The following KCND3 variants were observed in gnomAD, a reference collection of about 807,000 sequenced individuals.
The protein encoded by KCND3 is potassium voltage-gated channel subfamily D member 3.
In KCND3, 9 loss-of-function variants were observed where a neutral mutation model predicts 51.1. That is an observed-to-expected ratio of 0.18 (90% confidence interval 0.11 to 0.31). KCND3 has a LOEUF of 0.31. Ranked by LOEUF, KCND3 falls within the 10% of genes least tolerant of loss-of-function variation. The pLI is 1.00. For synonymous variants in KCND3, 349 were observed against 368.0 expected, an observed-to-expected ratio of 0.95 and a Z score of 0.59; for missense variants, 526 against 903.8, an observed-to-expected ratio of 0.58 and a Z score of 5.36.
At chr1:111,908,194 A>G (rs1054231771) in intron 2 of KCND3, among the ~76,000 whole-genome samples, 1 of 152,206 alleles carries the variant, frequency 6.6e-6, no homozygotes, top group Non-Finnish European at 1.5e-5. Flanking sequence ...AGCACCTATC[A>G]TATGTCTGGA....
At chr1:111,862,126 C>T (rs1668362879) in intron 2 of KCND3, among the ~76,000 whole-genome samples, 1 of 152,236 alleles carries the variant, frequency 6.6e-6, no homozygotes, top group South Asian at 2.1e-4. Flanking sequence ...TCTGCCCAGA[C>T]AGATATCTGG....
At chr1:111,988,095 G>A (rs935361855) in intron 1 of KCND3, among the ~76,000 whole-genome samples, 1 of 152,176 alleles carries the variant, frequency 6.6e-6, no homozygotes, top group Non-Finnish European at 1.5e-5. Flanking sequence ...ACCAAGGTCT[G>A]TCCTTCAATG....
chr1:111,824,509 T>G (rs1666489411), intron 2 of KCND3, among the ~76,000 whole-genome samples: 4 of 152,238 alleles, frequency 2.6e-5, no homozygotes, highest in Admixed American at 6.5e-5. Context: ...CTGCTCCTAC[T>G]TGGTTAGAAA....
At chr1:111,954,072 G>A (rs1038237986) in intron 2 of KCND3, among the ~76,000 whole-genome samples, 1 of 152,152 alleles carries the variant, frequency 6.6e-6, no homozygotes, top group Non-Finnish European at 1.5e-5. Flanking sequence ...GTGGGTTGCT[G>A]TGTCCCGCTC....
intron 2 of KCND3, among the ~76,000 whole-genome samples, chr1:111,808,541 C>T (rs1247601147): frequency 1.3e-5 from 2 of 152,360 alleles, no homozygotes; most frequent in East Asian, 3.9e-4. Flanking sequence ...ATATGGTCTG[C>T]TTCTTGACCC....
chr1:111,950,463 G>A (rs1008007076), intron 2 of KCND3, among the ~76,000 whole-genome samples: 7 of 152,240 alleles, frequency 4.6e-5, no homozygotes, highest in Non-Finnish European at 7.4e-5. Context: ...GCACCTGACC[G>A]TGCTCTCCCC....
At chr1:111,978,285 G>T (rs1674753949) in intron 2 of KCND3, among the ~76,000 whole-genome samples, 1 of 152,194 alleles carries the variant, frequency 6.6e-6, no homozygotes. Context: ...AGTCGGCCCT[G>T]CTCTGCAGAA....
chr1:111,788,623 G>A (rs888036947), intron 2 of KCND3, among the ~76,000 whole-genome samples: 7 of 152,144 alleles, frequency 4.6e-5, no homozygotes, highest in East Asian at 1.9e-4. Flanking sequence ...TTTCCTGGAC[G>A]TGCACTAGCA....
chr1:111,908,384 A>C (rs1670753224), intron 2 of KCND3, among the ~76,000 whole-genome samples: 1 of 152,238 alleles, frequency 6.6e-6, no homozygotes. Flanking sequence ...GAACAAACTC[A>C]TTTAGTCCTC....
At chr1:111,786,264 G>C (rs1244830350) in intron 3 of KCND3, among the ~76,000 whole-genome samples, 2 of 152,238 alleles carry the variant, frequency 1.3e-5, no homozygotes, top group Non-Finnish European at 1.5e-5. Flanking sequence ...GGAAAAAGAG[G>C]CTTCTTTCTG....
At chr1:111,978,161 C>A (rs1271184009) in intron 2 of KCND3, among the ~76,000 whole-genome samples, 1 of 152,204 alleles carries the variant, frequency 6.6e-6, no homozygotes. Flanking sequence ...GGAGATCCCT[C>A]CCTGGAGGAC....
At chr1:111,850,862 A>T (rs1667783652) in intron 2 of KCND3, among the ~76,000 whole-genome samples, 1 of 152,234 alleles carries the variant, frequency 6.6e-6, no homozygotes, top group African/African-American at 2.4e-5. Flanking sequence ...AACTGCGAAG[A>T]TGGAACTGAG....
chr1:111,935,412 T>C (rs533558736), intron 2 of KCND3, among the ~76,000 whole-genome samples: 4 of 152,318 alleles, frequency 2.6e-5, no homozygotes, highest in African/African-American at 4.8e-5. Context: ...TGCCTGTTTT[T>C]ACTCATTTAC....
chr1:111,983,519 G>A (rs548688882), intron 1 of KCND3, among the ~76,000 whole-genome samples: 2 of 152,266 alleles, frequency 1.3e-5, no homozygotes, highest in East Asian at 1.9e-4. Context: ...ATGGAAAGAC[G>A]TGGGAAGGGT....
At chr1:111,852,125 C>T (rs1392240056) in intron 2 of KCND3, among the ~76,000 whole-genome samples, 1 of 152,246 alleles carries the variant, frequency 6.6e-6, no homozygotes, top group Non-Finnish European at 1.5e-5. Flanking sequence ...TCCTAGTCAC[C>T]TGCGTTGCCC....
chr1:111,943,704 T>A (rs186943907), intron 2 of KCND3, among the ~76,000 whole-genome samples: 5 of 152,166 alleles, frequency 3.3e-5, no homozygotes, highest in African/African-American at 1.2e-4. Context: ...CAGGAGGCCA[T>A]CCAGATGTGT....
intron 2 of KCND3, among the ~76,000 whole-genome samples, chr1:111,799,305 C>T (rs945251216): frequency 4.6e-5 from 7 of 152,052 alleles, no homozygotes; most frequent in African/African-American, 9.7e-5. Flanking sequence ...TTGATAGATA[C>T]GGAACAGTCA....
chr1:111,856,034 A>G (rs1318604440), intron 2 of KCND3, among the ~76,000 whole-genome samples: 3 of 152,186 alleles, frequency 2.0e-5, no homozygotes, highest in Non-Finnish European at 4.4e-5. Flanking sequence ...GGCTCTTGCC[A>G]GGACCCCCAC....
At chr1:111,844,776 G>A (rs959887277) in intron 2 of KCND3, among the ~76,000 whole-genome samples, 5 of 152,054 alleles carry the variant, frequency 3.3e-5, no homozygotes, top group African/African-American at 1.2e-4. Flanking sequence ...CTCCCTCCAT[G>A]TCACTGGAGA....
Sources: gnomAD v4.1 joint callset for allele counts (sites outside exome capture counted in the v4.1 genomes callset) on GRCh38, gnomAD v4.1.1 for gene constraint, MANE v1.5 for transcripts, NCBI Gene and HGNC (gene_info 2026-07-23, HGNC 2026-07-21) for gene names.